Variants in FAF1 observed in about 807,000 individuals in gnomAD.
FAF1 encodes the protein Fas associated factor 1.
In FAF1, 25 loss-of-function variants were observed where a neutral mutation model predicts 92.5. That is an observed-to-expected ratio of 0.27 (90% CI 0.20 to 0.38). The LOEUF is 0.38. Among genes scored for constraint, FAF1 ranks in the 10% least tolerant of loss-of-function variants. FAF1 has a pLI of 1.00. For missense variants in FAF1, 636 were observed against 793.3 expected (o/e 0.80, Z 2.38); for synonymous variants, 234 against 273.2 (o/e 0.86, Z 1.42).
intron 1 of FAF1, among the ~76,000 whole-genome samples, chr1:50,912,596 C>G (rs1464452112): frequency 1.3e-5 from 2 of 152,152 alleles, no homozygotes; most frequent in African/African-American, 4.8e-5. Flanking sequence ...GTTATCACAA[C>G]CTACACAGAT....
intron 6 of FAF1, among the ~76,000 whole-genome samples, chr1:50,720,360 ATTAAAT>A (rs1164310351): frequency 6.6e-6 from 1 of 152,214 alleles, no homozygotes; most frequent in East Asian, 1.9e-4. Flanking sequence ...GCTCACTACA[ATTAAAT>A]TTAAGTTGAA....
At chr1:50,579,189 A>G (rs960976931) in intron 12 of FAF1, among the ~76,000 whole-genome samples, 14 of 152,172 alleles carry the variant, frequency 9.2e-5, no homozygotes, top group African/African-American at 1.4e-4. Context: ...ATAAATCCAA[A>G]TGCCAATTTA....
At chr1:50,515,281 A>C (rs1262654396) in intron 15 of FAF1, among the ~76,000 whole-genome samples, 1 of 152,166 alleles carries the variant, frequency 6.6e-6, no homozygotes, top group Non-Finnish European at 1.5e-5. Flanking sequence ...GGAAACTGAG[A>C]CTTGAATTGG....
intron 17 of FAF1, 31 bp from the exon 18 acceptor site, chr1:50,475,710 G>A (rs1646631150): frequency 6.7e-7 from 1 of 1,503,616 alleles, no homozygotes; most frequent in Non-Finnish European, 9.2e-7. Flanking sequence ...GTGTTAAAAT[G>A]TGAGAAGGAC....
intron 7 of FAF1, 21 bp downstream of exon 7, chr1:50,705,765 T>C (rs745961829): frequency 7.5e-7 from 1 of 1,339,802 alleles, no homozygotes; most frequent in Admixed American, 1.7e-5. Context: ...CTTTATTTCT[T>C]AGCTGTGAGA....
intron 18 of FAF1, chr1:50,452,082 T>TA: frequency 7.5e-7 from 1 of 1,339,016 alleles, no homozygotes; most frequent in Non-Finnish European, 9.8e-7. Flanking sequence ...AAAACCGTCT[T>TA]AGTCTAAAAA....
At chr1:50,846,998 T>C (rs761999778) in intron 2 of FAF1, among the ~76,000 whole-genome samples, 7 of 152,210 alleles carry the variant, frequency 4.6e-5, no homozygotes, top group Non-Finnish European at 1.0e-4. Context: ...TGATCCCCTT[T>C]GCTGCAAGAG....
intron 15 of FAF1, among the ~76,000 whole-genome samples, chr1:50,497,466 T>C (rs369597338): frequency 4.0e-5 from 6 of 151,560 alleles, no homozygotes; most frequent in African/African-American, 1.5e-4. Context: ...TGGCTTTGTG[T>C]CTAGACAAGG....
intron 2 of FAF1, among the ~76,000 whole-genome samples, chr1:50,839,811 G>A (rs114928936): frequency 7.9e-4 from 120 of 152,080 alleles, no homozygotes; most frequent in Non-Finnish European, 1.5e-3. Context: ...ACTTGAACAA[G>A]AATAAAAGAA....
At chr1:50,588,643 T>C (rs1651358636) in intron 9 of FAF1, among the ~76,000 whole-genome samples, 1 of 152,136 alleles carries the variant, frequency 6.6e-6, no homozygotes, top group South Asian at 2.1e-4. Flanking sequence ...CACTGAGTCT[T>C]GTCAGCCTAG....
chr1:50,854,660 C>T (rs1194563104), intron 2 of FAF1, among the ~76,000 whole-genome samples: 1 of 151,882 alleles, frequency 6.6e-6, no homozygotes, highest in African/African-American at 2.4e-5. Context: ...CAGACAGCAG[C>T]CCACATAACA....
intron 1 of FAF1, among the ~76,000 whole-genome samples, chr1:50,948,771 C>T (rs1254578234): frequency 2.0e-5 from 3 of 152,090 alleles, no homozygotes; most frequent in South Asian, 2.1e-4. Flanking sequence ...AGTGATCCAC[C>T]GGCCTTGGCC....
At chr1:50,720,558 G>A (rs1658366825) in intron 6 of FAF1, among the ~76,000 whole-genome samples, 1 of 152,046 alleles carries the variant, frequency 6.6e-6, no homozygotes, top group Admixed American at 6.6e-5. Context: ...ATGACACTTT[G>A]GTATGCTGCT....
intron 1 of FAF1, among the ~76,000 whole-genome samples, chr1:50,868,808 T>TTAA (rs770418878): frequency 2.1e-4 from 32 of 152,210 alleles, no homozygotes; most frequent in Non-Finnish European, 4.1e-4. Flanking sequence ...TTATGAAGAC[T>TTAA]TAATAGCCCA....
intron 7 of FAF1, among the ~76,000 whole-genome samples, chr1:50,657,028 T>C (rs1027970201): frequency 4.6e-5 from 7 of 151,490 alleles, no homozygotes; most frequent in Non-Finnish European, 8.8e-5. Flanking sequence ...CTGGGCAACA[T>C]AGTGAGACCA....
chr1:50,804,644 G>A (rs1214700533), intron 2 of FAF1, among the ~76,000 whole-genome samples: 1 of 152,122 alleles, frequency 6.6e-6, no homozygotes, highest in Non-Finnish European at 1.5e-5. Context: ...AAGAATAATT[G>A]ACTCTCTTAA....
At chr1:50,801,714 CA>C (rs1271366797) in intron 2 of FAF1, 37 bp from the exon 3 acceptor site, 6 of 1,255,888 alleles carry the variant, frequency 4.8e-6, no homozygotes, top group Admixed American at 1.7e-5. Context: ...TTTAAAGAAA[CA>C]GATAAATGCC....
intron 8 of FAF1, among the ~76,000 whole-genome samples, chr1:50,611,229 A>G (rs1214856033): frequency 6.6e-6 from 1 of 152,240 alleles, no homozygotes; most frequent in African/African-American, 2.4e-5. Flanking sequence ...AGCTACTTTT[A>G]GACTTATGAA....
At chr1:50,866,134 T>G (rs994570725) in intron 1 of FAF1, among the ~76,000 whole-genome samples, 7 of 152,082 alleles carry the variant, frequency 4.6e-5, no homozygotes, top group African/African-American at 1.7e-4. Flanking sequence ...GAAAAGCAGT[T>G]GACAAAATCC....
Sources: gnomAD v4.1 joint callset for allele counts (sites outside exome capture counted in the v4.1 genomes callset) on GRCh38, gnomAD v4.1.1 for gene constraint, MANE v1.5 for transcripts, NCBI Gene and HGNC (gene_info 2026-07-23, HGNC 2026-07-21) for gene names.